TMEM181: variants seen among roughly 807,000 people sequenced by gnomAD.
TMEM181 encodes transmembrane protein 181, also known as G protein-coupled receptor 178.
In TMEM181, 39 loss-of-function variants were observed where a neutral mutation model predicts 71.9. The observed-to-expected ratio is 0.54, with a 90% CI of 0.42 to 0.71. TMEM181 has a LOEUF of 0.71. Among genes scored for constraint, TMEM181 ranks in the 30% least tolerant of loss-of-function variants. The pLI, the probability that TMEM181 is intolerant of heterozygous loss-of-function variation, is 0.00. For synonymous variants in TMEM181, 245 were observed against 228.8 expected, an observed-to-expected ratio of 1.07 and a Z score of -0.64; for missense variants, 595 against 583.0, an observed-to-expected ratio of 1.02 and a Z score of -0.21.
chr6:158,553,810 C>T (rs1781791195), intron 1 of TMEM181, among the ~76,000 whole-genome samples: 1 of 152,196 alleles, frequency 6.6e-6, no homozygotes, highest in Non-Finnish European at 1.5e-5. Context: ...AGCAAGTTGG[C>T]ACTTAATGTC....
chr6:158,563,177 T>C (rs1782282481), intron 1 of TMEM181, among the ~76,000 whole-genome samples: 1 of 152,244 alleles, frequency 6.6e-6, no homozygotes, highest in Non-Finnish European at 1.5e-5. Flanking sequence ...AGAGTCTCGC[T>C]CTGTCACCCA....
Position 158,632,001 on chromosome 6 carries a change from CATTT to C in TMEM181, c.*114_*117del. 3 of 1,042,302 alleles carry C rather than the reference CATTT, an allele frequency of 2.9e-6. No individual in the cohort carries two copies. The highest frequency in any genetic ancestry group is 4.2e-6 in the Non-Finnish European group (3 of 722,508). 64.6% of individuals were successfully genotyped at this position (1,042,302 alleles called of 1,614,324 possible). ...TTCTTACAAGCAGAGATTTCCTGTT[CATTT>C]GTTTACATATTTTTTTAAAGGAAAA... On this transcript the variant is annotated 3_prime_UTR_variant, in exon 17 of 17. Transcript: ENST00000684151.
Position 158,551,743 on chromosome 6 carries a change from A to T in TMEM181, c.131+14878A>T, listed in dbSNP as rs1781730557. ...ACATAACACGTAAAATATGATTGAT[A>T]ATGTATTATCTAATTTTTGAAACAT... is the stretch of plus-strand genomic sequence containing the variant. On this transcript the variant is annotated intron_variant, in intron 1 of 16. Coordinates refer to the TMEM181 transcript ENST00000367090. 2.0e-5 allele frequency among the ~76,000 whole-genome samples: 3 copies of T among 152,198 alleles called. No homozygotes were observed. The South Asian group carries it at 6.2e-4, about 31-fold the overall frequency.
chr6:158,626,790 C>CAA (rs981420670), intron 13 of TMEM181: 13 of 455,984 alleles, frequency 2.9e-5, no homozygotes, highest in African/African-American at 2.0e-4. Context: ...ACACCTCACT[C>CAA]ATGCCTTCAC....
Position 158,635,193 on chromosome 6 carries a change from T to C in TMEM181, c.*3305T>C, listed in dbSNP as rs1457408554. 1 of 152,230 alleles carries C rather than the reference T, an allele frequency of 6.6e-6. No homozygotes were observed. The highest frequency in any genetic ancestry group is 2.4e-5 in the African/African-American group (1 of 41,456). 9.4% of individuals were successfully genotyped at this position (152,230 alleles called of 1,614,324 possible). On this transcript the variant is annotated 3_prime_UTR_variant, in exon 17 of 17. Transcript: ENST00000684151. ...ATTTTCTGCTACTAAAAACTGCCTT[T>C]TTACAAAATGACTGTAAATATTTGT... is the stretch of plus-strand genomic sequence containing the variant.
At chr6:158,559,993 C>G (rs979442916), upstream of TMEM181, 2 of 956,970 alleles carry the variant, frequency 2.1e-6, no homozygotes, top group Non-Finnish European at 2.5e-6. Flanking sequence ...AGGGCCACCC[C>G]CCTCGCCGCG....
At chr6:158,552,673 C>T (rs534704362) in intron 1 of TMEM181, among the ~76,000 whole-genome samples, 2 of 152,282 alleles carry the variant, frequency 1.3e-5, no homozygotes, top group African/African-American at 2.4e-5. Context: ...AGAGAGTTAT[C>T]GTCTCAGCCT....
At chr6:158,550,923 A>G (rs1438226752) in intron 1 of TMEM181, among the ~76,000 whole-genome samples, 1 of 148,838 alleles carries the variant, frequency 6.7e-6, no homozygotes, top group African/African-American at 2.5e-5. Context: ...AGAACCAATA[A>G]TGTTTTAAAT....
At position 158,605,257 on chromosome 6, in the gene TMEM181, T is replaced by G. The variant is rs1364490206; in HGVS notation, c.493-10T>G. 2 of 1,611,588 alleles carry G rather than the reference T, an allele frequency of 1.2e-6. No homozygotes were observed. The highest frequency in any genetic ancestry group is 8.5e-7 in the Non-Finnish European group (1 of 1,178,088). The stretch of plus-strand genomic sequence containing the variant: ...TTTTTTCAAATTGTTTTCTCCACTT[T>G]CTATTTTAGTGGAAGACTTATAACC... On this transcript the variant is annotated splice_polypyrimidine_tract_variant and intron_variant, in intron 6 of 16. Coordinates refer to ENST00000684151, the MANE Select transcript of TMEM181 (RefSeq NM_001376852.1).
intron 2 of TMEM181, among the ~76,000 whole-genome samples, chr6:158,579,265 T>TA (rs34507190): frequency 0.41 from 56,973 of 138,302 alleles, 11,215 homozygotes; most frequent in Middle Eastern, 0.54. Context: ...GTCTCAAAAT[T>TA]AAAAAAAAAA....
At position 158,628,376 on chromosome 6, in the gene TMEM181, A is replaced by C. The variant is rs765657665; in HGVS notation, c.1110-32A>C. On this transcript the variant is annotated intron_variant, in intron 13 of 16. Coordinates refer to ENST00000684151, the MANE Select transcript of TMEM181 (RefSeq NM_001376852.1). The stretch of plus-strand genomic sequence containing the variant: ...GCTAGTGCCGTTTTCGTGCATGTTT[A>C]CATATTGTCTCTGCTCCTCTGTCTT... 4.4e-6 allele frequency: 7 copies of C among 1,609,080 alleles called. No individual in the cohort carries two copies. The East Asian group carries it at 1.6e-4, about 36-fold the overall frequency.
rs1038366575 is a variant in TMEM181, at chr6:158,620,504, G to C, written c.897-3046G>C. Among the ~76,000 whole-genome samples the C allele has an allele frequency of 9.2e-5, 14 of 152,224 alleles. No homozygotes were observed. Among genetic ancestry groups the C allele is most frequent in the African/African-American group, 3.1e-4 (13 of 41,454 alleles). Reference sequence around the variant, plus strand: ...GGCATGCGTGAGGAAGAGAGAGGGAGAGGGAGAGAGAAAGAAGAGGGAGAA... The same window carrying C: ...GGCATGCGTGAGGAAGAGAGAGGGACAGGGAGAGAGAAAGAAGAGGGAGAA... On this transcript the variant is annotated intron_variant, in intron 10 of 16. Transcript: ENST00000684151. This position sits in a 1 kb window ranked among gnomAD's most constrained non-coding sequence, Gnocchi z 4.5.
At position 158,634,092 on chromosome 6, in the gene TMEM181, T is replaced by C. The variant is rs943166069; in HGVS notation, c.*2204T>C. 6.6e-6 allele frequency: 1 copy of C among 152,226 alleles called. No homozygotes were observed. The highest frequency in any genetic ancestry group is 1.5e-5 in the Non-Finnish European group (1 of 68,038). The allele number at this position is 152,226 out of a possible 1,614,324, so 9.4% of individuals were successfully genotyped here. A position where few individuals can be genotyped will look rare whatever the true frequency, so the allele number is the denominator to read the frequency against. On this transcript the variant is annotated 3_prime_UTR_variant, in exon 17 of 17. Coordinates refer to ENST00000684151, the MANE Select transcript of TMEM181 (RefSeq NM_001376852.1). ...ATTATCTTCATACATTGAGTCTTCATGCATCAATGAAATGAAAAATATAGG... is the reference window on the plus strand; with the variant it reads ...ATTATCTTCATACATTGAGTCTTCACGCATCAATGAAATGAAAAATATAGG...
chr6:158,631,865 AAGG>A lies in TMEM181; in HGVS notation c.1411_1413del (p.Glu471del), dbSNP rs760009661. On this transcript the variant is annotated inframe_deletion, in exon 17 of 17. Coordinates refer to ENST00000684151, the MANE Select transcript of TMEM181 (RefSeq NM_001376852.1). ...CGGCCAGGCCATCCGGGCCAAGTAC[AAGG>A]AGGAGTCAGATAGTGACTGAGCCCC... is the stretch of plus-strand genomic sequence containing the variant. 6.9e-6 allele frequency: 11 copies of A among 1,596,642 alleles called. No individual in the cohort carries two copies. Among genetic ancestry groups the A allele is most frequent in the Admixed American group, 1.7e-5 (1 of 57,994 alleles).
At chr6:158,571,872 G>A (rs939189027) in intron 1 of TMEM181, among the ~76,000 whole-genome samples, 4 of 152,224 alleles carry the variant, frequency 2.6e-5, no homozygotes, top group Non-Finnish European at 2.9e-5. Context: ...AATTGAAGGT[G>A]TTGAGTTTGC....
intron 6 of TMEM181, among the ~76,000 whole-genome samples, chr6:158,603,145 T>C (rs557297946): frequency 6.6e-6 from 1 of 152,282 alleles, no homozygotes; most frequent in South Asian, 2.1e-4. Flanking sequence ...TCTCTTCAAA[T>C]ACTTTTTTTG....
chr6:158,579,343 A>C (rs1446255631), intron 2 of TMEM181, among the ~76,000 whole-genome samples: 1 of 152,196 alleles, frequency 6.6e-6, no homozygotes, highest in Non-Finnish European at 1.5e-5. Context: ...AAACTGTGGA[A>C]TCAACCACAG....
chr6:158,611,530 AACTATCTTTGGAATCAGCCTT>A (rs1332265614), intron 10 of TMEM181: 3 of 474,716 alleles, frequency 6.3e-6, no homozygotes, highest in Non-Finnish European at 1.3e-5. Flanking sequence ...GAGTTACGAG[AACTATCTTTGGAATCAGCCTT>A]AAAGCTGCAG....
At chr6:158,593,849 A>G (rs901636062) in intron 6 of TMEM181, among the ~76,000 whole-genome samples, 1 of 151,946 alleles carries the variant, frequency 6.6e-6, no homozygotes, top group South Asian at 2.1e-4. Flanking sequence ...AGCCTCCCCC[A>G]TTGTCAGCAT....
Sources: allele counts gnomAD v4.1 joint callset (sites outside exome capture counted in the v4.1 genomes callset), GRCh38; gene constraint gnomAD v4.1.1; non-coding constraint Gnocchi (gnomAD v3.1); transcripts MANE v1.5; gene names NCBI Gene and HGNC (gene_info 2026-07-23, HGNC 2026-07-21).